GRK5: variants seen among roughly 807,000 people sequenced by gnomAD.
GRK5 encodes the protein g protein-coupled receptor kinase GRK5.
A neutral mutation model predicts 78.4 loss-of-function variants in GRK5; 40 were observed. That is an observed-to-expected ratio of 0.51 (90% CI 0.40 to 0.66). The LOEUF (loss-of-function observed/expected upper bound fraction) is 0.66. GRK5 is among the 30% of genes least tolerant of loss of function. The pLI is 0.00. For missense variants in GRK5, 598 were observed against 759.9 expected (o/e 0.79, Z 2.50); for synonymous variants, 289 against 296.8 (o/e 0.97, Z 0.27).
At chr10:119,254,083 C>T (rs926194991) in intron 1 of GRK5, among the ~76,000 whole-genome samples, 1 of 152,208 alleles carries the variant, frequency 6.6e-6, no homozygotes, top group Non-Finnish European at 1.5e-5. Flanking sequence ...GAAAGATGAG[C>T]CACACATGAG....
intron 3 of GRK5, among the ~76,000 whole-genome samples, chr10:119,394,198 G>GCCA: frequency 1.4e-5 from 2 of 145,590 alleles, no homozygotes; most frequent in Admixed American, 6.8e-5. Context: ...GTGTATGGGG[G>GCCA]TGTGTATCTG....
chr10:119,330,053 G>A (rs2133768589), intron 2 of GRK5, among the ~76,000 whole-genome samples: 1 of 151,998 alleles, frequency 6.6e-6, no homozygotes, highest in South Asian at 2.1e-4. Flanking sequence ...AGTAGAGACA[G>A]GGTTTTGCCA....
intron 4 of GRK5, among the ~76,000 whole-genome samples, chr10:119,419,781 G>A (rs78808921): frequency 1.8e-3 from 281 of 152,292 alleles, no homozygotes; most frequent in Non-Finnish European, 3.6e-3. Flanking sequence ...ATTCTGCTTT[G>A]CCCCTTATTC....
Position 119,459,406 on chromosome 10 carries a change from C to T in GRK5, c.*4339C>T, listed in dbSNP as rs201354793. The T allele has an allele frequency of 2.0e-5, 3 of 152,162 alleles. No homozygotes were observed. Among genetic ancestry groups the T allele is most frequent in the Admixed American group, 6.5e-5 (1 of 15,282 alleles). The allele number at this position is 152,162 out of a possible 1,614,324, so 9.4% of individuals were successfully genotyped here. A position where few individuals can be genotyped will look rare whatever the true frequency, so the allele number is the denominator to read the frequency against. ...CCCTGGCAGAGAAAGACACTTCCCC[C>T]CCAAAGTGGAATTTAGATGTCTTTC... On this transcript the variant is annotated 3_prime_UTR_variant, in exon 16 of 16. Transcript: ENST00000392870.
chr10:119,409,768 A>G (rs1852303789), intron 4 of GRK5, among the ~76,000 whole-genome samples: 1 of 152,186 alleles, frequency 6.6e-6, no homozygotes, highest in Non-Finnish European at 1.5e-5. Context: ...CACTGGAGAA[A>G]AATCCAACAT....
At chr10:119,276,085 A>G (rs1356933715) in intron 1 of GRK5, among the ~76,000 whole-genome samples, 1 of 152,154 alleles carries the variant, frequency 6.6e-6, no homozygotes, top group African/African-American at 2.4e-5. Context: ...TTGTAAAGGC[A>G]TGCAGCTCAG....
chr10:119,400,465 G>A (rs1201559622), intron 4 of GRK5, among the ~76,000 whole-genome samples: 3 of 152,208 alleles, frequency 2.0e-5, no homozygotes, highest in African/African-American at 4.8e-5. Flanking sequence ...CATCTGATGC[G>A]TAGAGGCCAT....
At chr10:119,406,622 A>C in intron 4 of GRK5, 2 of 268,204 alleles carry the variant, frequency 7.5e-6, no homozygotes, top group Non-Finnish European at 1.2e-5. Context: ...TAGTGAGCTC[A>C]GACTCCACCT....
At chr10:119,424,538 G>A (rs1420564491) in intron 5 of GRK5, among the ~76,000 whole-genome samples, 1 of 152,144 alleles carries the variant, frequency 6.6e-6, no homozygotes, top group Non-Finnish European at 1.5e-5. Flanking sequence ...CTGAGGGGCT[G>A]TGGCCCCACC....
At chr10:119,423,926 G>A (rs536459538) in intron 5 of GRK5, among the ~76,000 whole-genome samples, 4 of 152,310 alleles carry the variant, frequency 2.6e-5, no homozygotes, top group Non-Finnish European at 5.9e-5. Flanking sequence ...GACATCAATT[G>A]AGTACCTACT....
chr10:119,344,872 C>T (rs969126880), intron 2 of GRK5, among the ~76,000 whole-genome samples: 2 of 73,662 alleles, frequency 2.7e-5, no homozygotes, highest in Admixed American at 2.9e-4. Flanking sequence ...ACAAGACCCA[C>T]CCTTCCTTCC....
intron 2 of GRK5, among the ~76,000 whole-genome samples, chr10:119,367,470 T>C (rs1240158244): frequency 1.3e-5 from 2 of 152,216 alleles, no homozygotes. Context: ...AGACCCAGAT[T>C]GGGTCCCAGC....
Position 119,264,787 on chromosome 10 carries a change from C to T in GRK5, c.52+56818C>T, listed in dbSNP as rs7091638. Among the ~76,000 whole-genome samples, 20,222 of 152,146 alleles carry T rather than the reference C, an allele frequency of 0.13. 1,441 individuals carry two copies. Among genetic ancestry groups the T allele is most frequent in the Middle Eastern group, 0.17 (50 of 294 alleles). ...CTGGGTGGACTAAAACCACACTTAC[C>T]CACTACATGCCCTGCCCACTCCCTT... On this transcript the variant is annotated intron_variant, in intron 1 of 15. Transcript: ENST00000392870. The surrounding 1 kb of genome is among the most constrained non-coding windows in gnomAD (Gnocchi z 4.1).
chr10:119,423,257 C>T lies in GRK5; in HGVS notation c.431C>T (p.Ala144Val). Residue 144 changes from alanine to valine, a missense_variant, in exon 5 of 16, where the codon GCC becomes GTC. Coordinates refer to ENST00000392870, the MANE Select transcript of GRK5 (RefSeq NM_005308.3). ...AAGCCGTGCAAAGAACTCTTTTCTG[C>T]CTGTGCACAGTAAGTGCCGTAGTCA... ...LQKPCKELFS[A>V]CAQSVHEYLR... 1 of 1,612,294 alleles carries T rather than the reference C, an allele frequency of 6.2e-7. No individual in the cohort carries two copies. Among genetic ancestry groups the T allele is most frequent in the Non-Finnish European group, 8.5e-7 (1 of 1,178,328 alleles).
intron 1 of GRK5, among the ~76,000 whole-genome samples, chr10:119,289,992 A>C (rs1192634838): frequency 6.6e-6 from 1 of 152,204 alleles, no homozygotes; most frequent in East Asian, 1.9e-4. Context: ...TGCAAGGAGC[A>C]GCTGCTTAGT....
At chr10:119,397,445 CT>C (rs1238147518) in intron 4 of GRK5, among the ~76,000 whole-genome samples, 1 of 152,200 alleles carries the variant, frequency 6.6e-6, no homozygotes, top group African/African-American at 2.4e-5. Flanking sequence ...GCCACATTCC[CT>C]CCCTGGGCCT....
At chr10:119,449,314 C>A (rs146911629) in intron 13 of GRK5, among the ~76,000 whole-genome samples, 1 of 152,154 alleles carries the variant, frequency 6.6e-6, no homozygotes, top group Non-Finnish European at 1.5e-5. Context: ...AGGTGGGGAC[C>A]GTCCTTGGAA....
chr10:119,426,093 G>C lies in GRK5; in HGVS notation c.533+1008G>C, dbSNP rs553251823. Among the ~76,000 whole-genome samples the C allele has an allele frequency of 9.8e-4, 150 of 152,340 alleles. 3 individuals are homozygous for C. The highest frequency in any genetic ancestry group is 3.3e-3 in the African/African-American group (138 of 41,580). ...GAGGCCTGGCATGCACAGCCATCTG[G>C]GGGCATCCAGTGAGAAAGGAGCCAT... On this transcript the variant is annotated intron_variant, in intron 6 of 15. Transcript: ENST00000392870.
At chr10:119,342,687 CATTT>C (rs1851003991) in intron 2 of GRK5, among the ~76,000 whole-genome samples, 1 of 152,196 alleles carries the variant, frequency 6.6e-6, no homozygotes. Flanking sequence ...TTCATTCATT[CATTT>C]ATCTGTTAAG....
Sources: gnomAD v4.1 joint callset for allele counts (sites outside exome capture counted in the v4.1 genomes callset) on GRCh38, gnomAD v4.1.1 for gene constraint, Gnocchi (gnomAD v3.1) non-coding constraint, MANE v1.5 for transcripts, NCBI Gene and HGNC (gene_info 2026-07-23, HGNC 2026-07-21) for gene names.